Variants in NFATC1 observed in about 807,000 individuals in gnomAD.
NFATC1 encodes nuclear factor of activated T-cells, cytoplasmic 1.
In NFATC1, 22 loss-of-function variants were observed where a neutral mutation model predicts 76.0. The observed-to-expected ratio is 0.29, with a 90% CI of 0.21 to 0.41. NFATC1 has a LOEUF of 0.41. Ranked by LOEUF, NFATC1 falls within the 10% of genes least tolerant of loss-of-function variation. The probability of loss-of-function intolerance (pLI) is 1.00; values close to 1 mark genes in which losing one functional copy is unlikely to be tolerated. For missense variants in NFATC1, 1,357 were observed against 1,337.7 expected (o/e 1.01, Z -0.23); for synonymous variants, 704 against 613.1 (o/e 1.15, Z -2.19).
chr18:79,481,619 A>G (rs2145027659), intron 8 of NFATC1, among the ~76,000 whole-genome samples: 1 of 152,362 alleles, frequency 6.6e-6, no homozygotes, highest in Admixed American at 6.5e-5. Context: ...CGGCGCTGCC[A>G]AGGCCTGTGC....
chr18:79,511,742 C>G (rs2090259322), intron 9 of NFATC1, among the ~76,000 whole-genome samples: 1 of 152,074 alleles, frequency 6.6e-6, no homozygotes, highest in South Asian at 2.1e-4. Flanking sequence ...GGTTTCGAGG[C>G]TCTCAGTGGG....
At position 79,433,666 on chromosome 18, in the gene NFATC1, C is replaced by T. The variant is rs1364144350; in HGVS notation, c.1314C>T (p.His438=). 8 of 1,613,132 alleles carry T rather than the reference C, an allele frequency of 5.0e-6. No homozygotes were observed. Among genetic ancestry groups the T allele is most frequent in the Non-Finnish European group, 1.7e-6 (2 of 1,179,982 alleles). ...LRIEVQPKSH[H]RAHYETEGSR... is the part of the protein sequence containing the mutation. ...TTGAGGTGCAGCCCAAGTCCCACCACCGAGCCCACTACGAGACGGAGGGCA... is the reference window on the plus strand; with the variant it reads ...TTGAGGTGCAGCCCAAGTCCCACCATCGAGCCCACTACGAGACGGAGGGCA... The change falls in exon 3 of 10, where the codon CAC becomes CAT. Residue 438 remains histidine (H), a synonymous_variant. Transcript: ENST00000427363.
At chr18:79,445,071 G>A (rs2087149363) in intron 3 of NFATC1, among the ~76,000 whole-genome samples, 1 of 152,246 alleles carries the variant, frequency 6.6e-6, no homozygotes, top group South Asian at 2.1e-4. Context: ...CACCCGTTTC[G>A]GGTTTGGGGT....
At chr18:79,429,856 G>A (rs140496610) in intron 2 of NFATC1, among the ~76,000 whole-genome samples, 4 of 152,338 alleles carry the variant, frequency 2.6e-5, no homozygotes, top group East Asian at 1.9e-4. Context: ...CCTGCACCGC[G>A]GCGTCGGGTC....
intron 6 of NFATC1, among the ~76,000 whole-genome samples, chr18:79,452,569 A>G (rs1199314785): frequency 6.6e-6 from 1 of 152,176 alleles, no homozygotes; most frequent in East Asian, 1.9e-4. Context: ...CTCTCATCCC[A>G]GAGGGGTGGC....
intron 1 of NFATC1, among the ~76,000 whole-genome samples, chr18:79,398,073 G>T (rs555336748): frequency 6.6e-6 from 1 of 151,990 alleles, no homozygotes; most frequent in South Asian, 2.1e-4. Flanking sequence ...TAGGCCCCAC[G>T]AGGCCATTCC....
intron 2 of NFATC1, among the ~76,000 whole-genome samples, chr18:79,424,601 G>C (rs1049895560): frequency 2.1e-5 from 3 of 143,816 alleles, no homozygotes; most frequent in Non-Finnish European, 3.0e-5. Context: ...GTCTCTCTCT[G>C]TCTCTCCGTC....
At chr18:79,415,485 T>C (rs942655570) in intron 2 of NFATC1, among the ~76,000 whole-genome samples, 1 of 151,310 alleles carries the variant, frequency 6.6e-6, no homozygotes, top group African/African-American at 2.4e-5. Flanking sequence ...GGTTTCACCA[T>C]GTTAGCCAGG....
intron 9 of NFATC1, among the ~76,000 whole-genome samples, chr18:79,520,360 C>A (rs1393648061): frequency 6.6e-6 from 1 of 151,964 alleles, no homozygotes; most frequent in Non-Finnish European, 1.5e-5. Flanking sequence ...GTCCCGGTGG[C>A]TCTCACAGCA....
chr18:79,487,922 C>T (rs145332138), intron 9 of NFATC1, among the ~76,000 whole-genome samples: 1,888 of 152,322 alleles, frequency 0.012, 23 homozygotes, highest in Middle Eastern at 0.024. Context: ...TTCATTTCCT[C>T]GGAGGCACAG....
At chr18:79,405,689 A>C (rs892198988) in intron 1 of NFATC1, among the ~76,000 whole-genome samples, 1 of 152,240 alleles carries the variant, frequency 6.6e-6, no homozygotes, top group Non-Finnish European at 1.5e-5. Context: ...ATCCTAATGA[A>C]ATTCAAGCAT....
intron 6 of NFATC1, among the ~76,000 whole-genome samples, chr18:79,460,447 G>A (rs913237784): frequency 4.6e-5 from 7 of 152,176 alleles, no homozygotes; most frequent in Non-Finnish European, 8.8e-5. Flanking sequence ...GGGCCAGGCC[G>A]TGCACACACC....
chr18:79,522,814 C>T (rs541630442), intron 9 of NFATC1, among the ~76,000 whole-genome samples: 1 of 152,310 alleles, frequency 6.6e-6, no homozygotes, highest in Non-Finnish European at 1.5e-5. Context: ...GTCCCCCAGG[C>T]ACCAGCCAGT....
At chr18:79,434,197 G>A (rs532442785) in intron 3 of NFATC1, among the ~76,000 whole-genome samples, 27 of 152,354 alleles carry the variant, frequency 1.8e-4, no homozygotes, top group Admixed American at 3.9e-4. Flanking sequence ...GCTCCCCGAG[G>A]AGAGGAGGAG....
intron 2 of NFATC1, among the ~76,000 whole-genome samples, chr18:79,427,385 CA>C (rs2086380416): frequency 2.2e-4 from 19 of 85,874 alleles, no homozygotes; most frequent in African/African-American, 8.0e-4. Flanking sequence ...GGCCTCTGTG[CA>C]GTGGGTTGGG....
At chr18:79,415,638 G>T (rs966862410) in intron 2 of NFATC1, among the ~76,000 whole-genome samples, 2 of 152,152 alleles carry the variant, frequency 1.3e-5, no homozygotes, top group Non-Finnish European at 2.9e-5. Context: ...TGTTTAAAAA[G>T]AATTTCTAAG....
At chr18:79,470,371 C>T (rs1334520672) in intron 8 of NFATC1, 2 of 152,236 alleles carry the variant, frequency 1.3e-5, no homozygotes, top group African/African-American at 4.8e-5. Context: ...GGTCTGCATG[C>T]CCGGGGGTCA....
chr18:79,450,724 G>A (rs1388374116), intron 4 of NFATC1, among the ~76,000 whole-genome samples: 1 of 152,324 alleles, frequency 6.6e-6, no homozygotes, highest in Non-Finnish European at 1.5e-5. Context: ...TCTCGGGGCT[G>A]CCTCTGCTTG....
Position 79,474,097 on chromosome 18 carries a change from G to A in NFATC1, c.2092+6515G>A, listed in dbSNP as rs1253763291. Among the ~76,000 whole-genome samples, 62 of 130,168 alleles carry A rather than the reference G, an allele frequency of 4.8e-4. 1 individual carries two copies. Among genetic ancestry groups the A allele is most frequent in the African/African-American group, 1.8e-3 (47 of 25,974 alleles). The allele number at this position is 130,168 out of a possible 152,430, so 85.4% of individuals were successfully genotyped here. On this transcript the variant is annotated intron_variant, in intron 8 of 9. Coordinates refer to ENST00000427363, the MANE Select transcript of NFATC1 (RefSeq NM_001278669.2). ...GCGTGTTCTCACGCTCACTGTCGAC[G>A]TTGTAAACCTGAGGGAAGCGTGTTC...
Sources: allele counts gnomAD v4.1 joint callset (sites outside exome capture counted in the v4.1 genomes callset), GRCh38; gene constraint gnomAD v4.1.1; transcripts MANE v1.5; gene names NCBI Gene and HGNC (gene_info 2026-07-23, HGNC 2026-07-21).